The following NAV1 variants were observed in gnomAD, a reference collection of about 807,000 sequenced individuals.
NAV1 encodes neuron navigator 1.
NAV1 carries 18 observed loss-of-function variants against 175.2 expected under a neutral mutation model. The observed-to-expected ratio is 0.10, with a 90% CI of 0.07 to 0.15. The LOEUF (loss-of-function observed/expected upper bound fraction) is 0.15, where lower values mean the gene tolerates loss of function less well. NAV1 is among the 10% of genes least tolerant of loss of function. NAV1 has a pLI of 1.00. For missense variants in NAV1, 1,731 were observed against 2,436.6 expected (o/e 0.71, Z 6.10); for synonymous variants, 897 against 978.7 (o/e 0.92, Z 1.56).
chr1:201,603,953 A>G (rs781625459), intron 2 of NAV1, among the ~76,000 whole-genome samples: 1 of 152,190 alleles, frequency 6.6e-6, no homozygotes, highest in Non-Finnish European at 1.5e-5. Context: ...AACAAAAATA[A>G]CCGTGTGATT....
intron 1 of NAV1, among the ~76,000 whole-genome samples, chr1:201,651,529 G>T (rs1571864162): frequency 6.6e-6 from 1 of 152,168 alleles, no homozygotes; most frequent in East Asian, 1.9e-4. Context: ...AGTAACCTCG[G>T]AAGTGAGGAG....
chr1:201,630,964 C>T (rs911413658), intron 2 of NAV1, among the ~76,000 whole-genome samples: 6 of 152,206 alleles, frequency 3.9e-5, no homozygotes, highest in Admixed American at 1.3e-4. Flanking sequence ...TTACTTTTAA[C>T]GTCTGTTGCA....
exon 16 of NAV1, chr1:201,803,612 A>G: frequency 6.2e-7 from 1 of 1,613,704 alleles, no homozygotes. Flanking sequence ...TCAAGAGACA[A>G]AACTCCTCAG....
chr1:201,564,969 T>A (rs955645399), intron 1 of NAV1, among the ~76,000 whole-genome samples: 43 of 152,222 alleles, frequency 2.8e-4, no homozygotes, highest in African/African-American at 8.9e-4. Context: ...TAAGGACTCA[T>A]GTGATTAGAT....
chr1:201,824,594 G>C (rs142224800), exon 30 of NAV1: 230 of 152,064 alleles, frequency 1.5e-3, no homozygotes, highest in African/African-American at 5.3e-3. Context: ...CTATCAAAAT[G>C]CCAAAGCTGC....
chr1:201,575,779 G>A (rs182306227), intron 1 of NAV1, among the ~76,000 whole-genome samples: 64 of 152,184 alleles, frequency 4.2e-4, no homozygotes, highest in African/African-American at 1.5e-3. Flanking sequence ...AGGAGGGAAG[G>A]GACAAATTAT....
Position 201,649,438 on chromosome 1 carries a change from G to GCGC in NAV1, c.757+14_757+15insGCC. ...AGCCAGATGCTGGGTAAGTCCTGCC[G>GCGC]CCCCGCCCCGCCCCGCCCCTGGCTT... On this transcript the variant is annotated intron_variant, in intron 1 of 29. Transcript: ENST00000367296. The GCGC allele has an allele frequency of 6.9e-7, 1 of 1,456,256 alleles. No individual in the cohort carries two copies. Among genetic ancestry groups the GCGC allele is most frequent in the Non-Finnish European group, 9.1e-7 (1 of 1,095,600 alleles). The allele number at this position is 1,456,256 out of a possible 1,614,324, so 90.2% of individuals were successfully genotyped here.
chr1:201,603,428 A>G (rs1667579104), intron 2 of NAV1, among the ~76,000 whole-genome samples: 1 of 152,224 alleles, frequency 6.6e-6, no homozygotes, highest in Non-Finnish European at 1.5e-5. Flanking sequence ...TTCATCTGTA[A>G]CTAGGGTCAG....
At chr1:201,818,159 G>C (rs1217939043) in intron 29 of NAV1, among the ~76,000 whole-genome samples, 3 of 152,128 alleles carry the variant, frequency 2.0e-5, no homozygotes, top group African/African-American at 7.2e-5. Context: ...AGCCTGGGAA[G>C]TTGAGGCTAC....
In NAV1 at chr1:201,800,614, A is replaced by C. The variant is rs370546836; in HGVS notation, c.3518-2979A>C. 2.0e-5 allele frequency among the ~76,000 whole-genome samples: 3 copies of C among 152,304 alleles called. No individual in the cohort carries two copies. The East Asian group carries it at 5.8e-4, about 29-fold the overall frequency. Reference sequence around the variant, plus strand: ...TAAATGTTTTCCTACCACTGAGATAAACTATATAAGAGGGTATATGGTGAA... The same window carrying C: ...TAAATGTTTTCCTACCACTGAGATACACTATATAAGAGGGTATATGGTGAA... On this transcript the variant is annotated intron_variant, in intron 15 of 29. Transcript: ENST00000367296.
intron 2 of NAV1, among the ~76,000 whole-genome samples, chr1:201,716,155 G>A (rs1672133306): frequency 6.6e-6 from 1 of 152,188 alleles, no homozygotes; most frequent in African/African-American, 2.4e-5. Flanking sequence ...TAACCATGGT[G>A]TAGGCTAACT....
Position 201,701,032 on chromosome 1 carries a change from A to AAAAG in NAV1, c.758-11785_758-11784insAAAG, listed in dbSNP as rs71138347. 6.3e-5 allele frequency among the ~76,000 whole-genome samples: 9 copies of AAAAG among 142,486 alleles called. No homozygotes were observed. In the South Asian group the frequency reaches 1.4e-3, roughly 22 times the overall value. 93.5% of individuals were successfully genotyped at this position (142,486 alleles called of 152,430 possible). ...CTCAAAAAAAAAAAAAAAAAAAAAA[A>AAAAG]GAAAGAAAAGAAAATGTGGCACTTG... On this transcript the variant is annotated intron_variant, in intron 1 of 29. Coordinates refer to ENST00000367296, the Ensembl canonical transcript of NAV1.
chr1:201,648,356 T>G, exon 1 of NAV1: 4 of 1,185,802 alleles, frequency 3.4e-6, no homozygotes, highest in African/African-American at 1.6e-5. Flanking sequence ...CTTTGACTGA[T>G]TTTTAAATTT....
At chr1:201,721,836 G>A (rs756018889) in intron 3 of NAV1, among the ~76,000 whole-genome samples, 4 of 152,134 alleles carry the variant, frequency 2.6e-5, no homozygotes, top group South Asian at 2.1e-4. Context: ...TAATTCTGGC[G>A]CTTTCTCCAC....
At chr1:201,654,750 A>G (rs962336636) in intron 1 of NAV1, among the ~76,000 whole-genome samples, 6 of 152,156 alleles carry the variant, frequency 3.9e-5, no homozygotes, top group African/African-American at 1.4e-4. Context: ...GAAATTGTCT[A>G]GTTGAGCCAC....
At chr1:201,670,380 CAAA>C (rs58216500) in intron 1 of NAV1, among the ~76,000 whole-genome samples, 4 of 12,182 alleles carry the variant, frequency 3.3e-4, no homozygotes, top group African/African-American at 1.1e-3. Context: ...GACTCCATCT[CAAA>C]AAAAAAAAAA....
At chr1:201,778,753 T>C (rs569817407) in intron 3 of NAV1, among the ~76,000 whole-genome samples, 38 of 152,356 alleles carry the variant, frequency 2.5e-4, no homozygotes, top group African/African-American at 8.4e-4. Context: ...CCCACTTTCC[T>C]ATTCCCAGCA....
chr1:201,661,209 A>T (rs1669602504), intron 1 of NAV1, among the ~76,000 whole-genome samples: 1 of 151,984 alleles, frequency 6.6e-6, no homozygotes, highest in African/African-American at 2.4e-5. Context: ...ATGTTCTAGA[A>T]CCCTTGCACT....
rs1676936835 is a variant in NAV1 at position 201,788,871 on chromosome 1, G to A, written c.3166+233G>A. Among the ~76,000 whole-genome samples, 1 of 152,148 alleles carries A rather than the reference G, an allele frequency of 6.6e-6. No homozygotes were observed. Among genetic ancestry groups the A allele is most frequent in the South Asian group, 2.1e-4 (1 of 4,830 alleles). On this transcript the variant is annotated intron_variant, in intron 10 of 29. Transcript: ENST00000367296. The surrounding 1 kb of genome is among the most constrained non-coding windows in gnomAD (Gnocchi z 5.7). Reference sequence around the variant, plus strand: ...GGATGGAGCATCCATCACTGGGGCTGGGGGAGGGAAATTGAGCATGGAAGG... The same window carrying A: ...GGATGGAGCATCCATCACTGGGGCTAGGGGAGGGAAATTGAGCATGGAAGG...
Sources: allele counts gnomAD v4.1 joint callset (sites outside exome capture counted in the v4.1 genomes callset), GRCh38; gene constraint gnomAD v4.1.1; non-coding constraint Gnocchi (gnomAD v3.1); transcripts MANE v1.5; gene names NCBI Gene and HGNC (gene_info 2026-07-23, HGNC 2026-07-21).